SST: variants seen among roughly 807,000 people sequenced by gnomAD.
The protein encoded by SST is growth hormone release-inhibiting factor.
In SST, 7 loss-of-function variants were observed where a neutral mutation model predicts 10.4. The observed-to-expected ratio is 0.67, with a 90% CI of 0.38 to 1.26. The LOEUF is 1.26. Among genes scored for constraint, SST ranks in the 50% most tolerant of loss-of-function variants. The pLI, the probability that SST is intolerant of heterozygous loss-of-function variation, is 0.02. For missense variants in SST, 145 were observed against 140.8 expected (o/e 1.03, Z -0.15); for synonymous variants, 63 against 63.9 (o/e 0.99, Z 0.07).
intron 1 of SST, 123 bp from the exon 2 acceptor site, chr3:187,669,400 G>T: frequency 2.3e-6 from 2 of 874,462 alleles, no homozygotes; most frequent in Non-Finnish European, 3.5e-6. Context: ...TTTTACAGCT[G>T]CGCATTTTTT....
rs1336576371 is a variant in SST, at chr3:187,669,009, TG to T, written c.*55del. 48 of 1,516,396 alleles carry T rather than the reference TG, an allele frequency of 3.2e-5. No homozygotes were observed. In the South Asian group the frequency reaches 5.1e-4, roughly 16 times the overall value. The allele number at this position is 1,516,396 out of a possible 1,614,324, so 93.9% of individuals were successfully genotyped here. A position where few individuals can be genotyped will look rare whatever the true frequency, so the allele number is the denominator to read the frequency against. On this transcript the variant is annotated 3_prime_UTR_variant, in exon 2 of 2. Transcript: ENST00000287641. ...GACTTGGAGGATTAGGGAAGAGAGA[TG>T]GGGTGTGGGGGCGAGGGATCAGAGG...
intron 1 of SST, among the ~76,000 whole-genome samples, 188 bp downstream of exon 1, chr3:187,669,966 G>A (rs1717198648): frequency 6.6e-6 from 1 of 151,788 alleles, no homozygotes; most frequent in Non-Finnish European, 1.5e-5. Context: ...TATCATGGGG[G>A]AAAAAAAGAG....
Position 187,670,240 on chromosome 3 carries a change from C to T in SST, c.52G>A (p.Ala18Thr), listed in dbSNP as rs770130563. 1.0e-5 allele frequency: 16 copies of T among 1,595,564 alleles called. No homozygotes were observed. Among genetic ancestry groups the T allele is most frequent in the Non-Finnish European group, 1.4e-5 (16 of 1,171,202 alleles). Residue 18 changes from alanine (A) to threonine (T), a missense_variant, in exon 1 of 2, where the codon GCC (alanine) becomes ACC (threonine). Transcript: ENST00000287641. ...CALAALSIVL[A>T]LGCVTGAPSD... ...GGAGCGCCGGTGACACAGCCCAGGGCCAGGACGATGGACAGCGCAGCCAGC... is the reference window on the plus strand; with the variant it reads ...GGAGCGCCGGTGACACAGCCCAGGGTCAGGACGATGGACAGCGCAGCCAGC...
chr3:187,668,957 A>G lies in SST; in HGVS notation c.*108T>C. The G allele has an allele frequency of 1.0e-6, 1 of 994,494 alleles. No individual in the cohort carries two copies. Among genetic ancestry groups the G allele is most frequent in the Non-Finnish European group, 1.6e-6 (1 of 643,532 alleles). The allele number at this position is 994,494 out of a possible 1,614,324, so 61.6% of individuals were successfully genotyped here. Reference sequence around the variant, plus strand: ...ATTTTATTTTGTATTTACAGTTTTCAGTTTCTAATGCAAGGGTCTCGCTGA... The same window carrying G: ...ATTTTATTTTGTATTTACAGTTTTCGGTTTCTAATGCAAGGGTCTCGCTGA... On this transcript the variant is annotated 3_prime_UTR_variant, in exon 2 of 2. Coordinates refer to ENST00000287641, the MANE Select transcript of SST (RefSeq NM_001048.4).
At chr3:187,669,313 G>A in intron 1 of SST, 36 bp from the exon 2 acceptor site, 2 of 1,593,526 alleles carry the variant, frequency 1.3e-6, no homozygotes, top group Non-Finnish European at 1.7e-6. Flanking sequence ...AAGAGAGAAA[G>A]AGAAGTGGGG....
Position 187,669,340 on chromosome 3 carries a change from T to A in SST, c.139-63A>T, listed in dbSNP as rs1049960409. 9.3e-6 allele frequency: 14 copies of A among 1,508,182 alleles called. No individual in the cohort carries two copies. The African/African-American group carries it at 1.2e-4, about 13-fold the overall frequency. 93.4% of individuals were successfully genotyped at this position (1,508,182 alleles called of 1,614,324 possible). ...GAAGTGGGGAGGACAATGGAAAAAA[T>A]TTGAAAAGCCTAAATTAAAGAACAG... On this transcript the variant is annotated intron_variant, in intron 1 of 1. Coordinates refer to ENST00000287641, the MANE Select transcript of SST (RefSeq NM_001048.4).
intron 1 of SST, 77 bp from the exon 2 acceptor site, chr3:187,669,354 A>G: frequency 1.4e-6 from 2 of 1,403,590 alleles, no homozygotes; most frequent in Non-Finnish European, 2.0e-6. Flanking sequence ...AAAAGCCTAA[A>G]TTAAAGAACA....
In SST at chr3:187,669,121, G is replaced by C; in HGVS notation, c.295C>G (p.Arg99Gly). 6.2e-7 allele frequency: 1 copy of C among 1,613,788 alleles called. No homozygotes were observed. ...SANSNPAMAP[R>G]ERKAGCKNFF... ...TTCTTGCAGCCAGCTTTGCGTTCTC[G>C]GGGTGCCATAGCCGGGTTTGAGTTA... Residue 99 changes from arginine (R) to glycine (G), a missense_variant, in exon 2 of 2, where the codon CGA becomes GGA. Coordinates refer to ENST00000287641, the MANE Select transcript of SST (RefSeq NM_001048.4).
intron 1 of SST, 85 bp from the exon 2 acceptor site, chr3:187,669,362 AC>A (rs1254462858): frequency 7.4e-7 from 1 of 1,355,434 alleles, no homozygotes; most frequent in Admixed American, 1.9e-5. Context: ...AAATTAAAGA[AC>A]AGATTTGGTC....
At chr3:187,670,070 ATCCC>A in intron 1 of SST, 80 bp downstream of exon 1, 1 of 1,428,084 alleles carries the variant, frequency 7.0e-7, no homozygotes, top group Admixed American at 2.4e-5. Flanking sequence ...AGGACTGAGC[ATCCC>A]TTACGTCCAA....
Position 187,669,005 on chromosome 3 carries a change from G to C in SST, c.*60C>G. 3 of 1,500,014 alleles carry C rather than the reference G, an allele frequency of 2.0e-6. No homozygotes were observed. The highest frequency in any genetic ancestry group is 2.8e-6 in the Non-Finnish European group (3 of 1,076,882). 92.9% of individuals were successfully genotyped at this position (1,500,014 alleles called of 1,614,324 possible). On this transcript the variant is annotated 3_prime_UTR_variant, in exon 2 of 2. Transcript: ENST00000287641. ...TGAAGACTTGGAGGATTAGGGAAGA[G>C]AGATGGGGTGTGGGGGCGAGGGATC...
intron 1 of SST, 89 bp downstream of exon 1, chr3:187,670,065 T>A (rs1717200501): frequency 5.0e-6 from 7 of 1,400,144 alleles, no homozygotes; most frequent in Non-Finnish European, 6.7e-6. Context: ...TTAGAAGGAC[T>A]GAGCATCCCT....
At position 187,668,951 on chromosome 3, in the gene SST, G is replaced by GT; in HGVS notation, c.*113dup. On this transcript the variant is annotated 3_prime_UTR_variant, in exon 2 of 2. Coordinates refer to ENST00000287641, the MANE Select transcript of SST (RefSeq NM_001048.4). ...ACCATAATTTTATTTTGTATTTACA[G>GT]TTTTCAGTTTCTAATGCAAGGGTCT... 1 of 948,986 alleles carries GT rather than the reference G, an allele frequency of 1.1e-6. No homozygotes were observed. The highest frequency in any genetic ancestry group is 1.4e-5 in the South Asian group (1 of 70,106). 58.8% of individuals were successfully genotyped at this position (948,986 alleles called of 1,614,324 possible). A position where few individuals can be genotyped will look rare whatever the true frequency, so the allele number is the denominator to read the frequency against.
chr3:187,669,559 AAC>A (rs58680547), intron 1 of SST, among the ~76,000 whole-genome samples: 9,266 of 144,838 alleles, frequency 0.064, 317 homozygotes, highest in East Asian at 0.14. Context: ...CACACGCACA[AAC>A]ACACACACAC....
rs1429193569 is a variant in SST, at chr3:187,669,273, A to G, written c.143T>C (p.Leu48Pro). 6.2e-7 allele frequency: 1 copy of G among 1,613,750 alleles called. No homozygotes were observed. The highest frequency in any genetic ancestry group is 1.1e-5 in the South Asian group (1 of 91,066). Reference sequence around the variant, plus strand: ...CAGCTCTGCCAAGAAGTACTTGGCCAGTTCCTGTATAGGGCAGAAGGGATA... The same window carrying G: ...CAGCTCTGCCAAGAAGTACTTGGCCGGTTCCTGTATAGGGCAGAAGGGATA... ...SLAAAAGKQE[L>P]AKYFLAELLS... The change falls in exon 2 of 2, where the codon CTG becomes CCG. Residue 48 changes from leucine to proline, a missense_variant. By Grantham distance (98) the Leu-to-Pro change is moderately conservative. Transcript: ENST00000287641.
chr3:187,670,010 C>T (rs1220931422), intron 1 of SST, 144 bp downstream of exon 1: 2 of 866,254 alleles, frequency 2.3e-6, no homozygotes, highest in Non-Finnish European at 3.4e-6. Context: ...ATAGTTTTCT[C>T]AAGAGCTTCG....
At chr3:187,670,013 G>C (rs1717199522) in intron 1 of SST, 141 bp downstream of exon 1, 3 of 872,204 alleles carry the variant, frequency 3.4e-6, no homozygotes, top group Admixed American at 5.9e-5. Context: ...GTTTTCTCAA[G>C]AGCTTCGGGA....
rs373604003 is a variant in SST at position 187,669,297 on chromosome 3, T to G, written c.139-20A>C. 1.2e-6 allele frequency: 2 copies of G among 1,608,296 alleles called. No homozygotes were observed. The highest frequency in any genetic ancestry group is 1.7e-5 in the Admixed American group (1 of 59,606). ...CAGTTCCTGTATAGGGCAGAAGGGA[T>G]AGAAAAAGAGAGAAAGAGAAGTGGG... On this transcript the variant is annotated intron_variant, in intron 1 of 1. Transcript: ENST00000287641.
In SST at chr3:187,669,022, C is replaced by A; in HGVS notation, c.*43G>T. ...AGGGAAGAGAGATGGGGTGTGGGGG[C>A]GAGGGATCAGAGGTCTGATATGGAC... is the stretch of plus-strand genomic sequence containing the variant. On this transcript the variant is annotated 3_prime_UTR_variant, in exon 2 of 2. Transcript: ENST00000287641. The A allele has an allele frequency of 2.5e-6, 4 of 1,584,624 alleles. No homozygotes were observed. Among genetic ancestry groups the A allele is most frequent in the African/African-American group, 1.3e-5 (1 of 74,278 alleles).
Sources: allele counts gnomAD v4.1 joint callset (sites outside exome capture counted in the v4.1 genomes callset), GRCh38; gene constraint gnomAD v4.1.1; transcripts MANE v1.5; gene names NCBI Gene and HGNC (gene_info 2026-07-23, HGNC 2026-07-21).